CDH4: variants seen among roughly 807,000 people sequenced by gnomAD.
CDH4 encodes the protein cadherin 4.
CDH4 carries 33 observed loss-of-function variants against 86.0 expected under a neutral mutation model. The observed-to-expected ratio is 0.38, with a 90% CI of 0.29 to 0.51. CDH4 has a LOEUF of 0.51. Among genes scored for constraint, CDH4 ranks in the 20% least tolerant of loss-of-function variants. CDH4 has a pLI of 0.86. For missense variants in CDH4, 1,114 were observed against 1,307.4 expected, an observed-to-expected ratio of 0.85 and a Z score of 2.28; for synonymous variants, 555 against 549.4, an observed-to-expected ratio of 1.01 and a Z score of -0.14.
intron 2 of CDH4, among the ~76,000 whole-genome samples, chr20:61,301,726 C>T (rs2084387292): frequency 6.6e-6 from 1 of 152,136 alleles, no homozygotes; most frequent in Admixed American, 6.5e-5. Flanking sequence ...AGTGGGGAGA[C>T]AGGAAGCCTG....
intron 2 of CDH4, among the ~76,000 whole-genome samples, chr20:61,585,255 G>A (rs540896723): frequency 1.1e-4 from 17 of 152,326 alleles, no homozygotes; most frequent in African/African-American, 3.8e-4. Context: ...CACTCCAGCC[G>A]AGGGGCTATT....
chr20:61,891,966 C>T lies in CDH4; in HGVS notation c.1051-2944C>T, dbSNP rs372138732. ...GATATTGGAGCCCAAGGTCAGCAAA[C>T]GTCTTCTATAAAGTACCAGGTGGTC... is the stretch of plus-strand genomic sequence containing the variant. On this transcript the variant is annotated intron_variant, in intron 7 of 15. Coordinates refer to ENST00000614565, the MANE Select transcript of CDH4 (RefSeq NM_001794.5). Among the ~76,000 whole-genome samples the T allele has an allele frequency of 2.4e-4, 36 of 152,040 alleles. 1 individual carries two copies. In the South Asian group the frequency reaches 6.9e-3, roughly 29 times the overall value.
chr20:61,763,300 A>C (rs1470864448), intron 3 of CDH4, among the ~76,000 whole-genome samples: 1 of 152,096 alleles, frequency 6.6e-6, no homozygotes, highest in Non-Finnish European at 1.5e-5. Flanking sequence ...ATGGCCCCCC[A>C]CAACTAATAA....
chr20:61,604,666 A>T (rs915402696), intron 2 of CDH4, among the ~76,000 whole-genome samples: 1 of 152,076 alleles, frequency 6.6e-6, no homozygotes. Context: ...TCCTGCACAC[A>T]TTTGAGAGCA....
intron 2 of CDH4, among the ~76,000 whole-genome samples, chr20:61,679,733 T>G (rs2087488335): frequency 6.6e-6 from 1 of 152,204 alleles, no homozygotes; most frequent in Admixed American, 6.5e-5. Flanking sequence ...CTGTGGCCCC[T>G]GTGTGTAGCT....
chr20:61,908,601 C>T (rs937703851), intron 8 of CDH4, among the ~76,000 whole-genome samples: 13 of 152,326 alleles, frequency 8.5e-5, no homozygotes, highest in African/African-American at 2.9e-4. Context: ...GCTGGCCGCC[C>T]GACGCCCGTT....
chr20:61,743,395 G>T (rs1231114460), intron 2 of CDH4, among the ~76,000 whole-genome samples, 168 bp from the exon 3 acceptor site: 2 of 152,148 alleles, frequency 1.3e-5, no homozygotes, highest in African/African-American at 4.8e-5. Flanking sequence ...AATTCTCTAG[G>T]GGGTTGAGAT....
At chr20:61,766,027 G>A (rs572713311) in intron 3 of CDH4, among the ~76,000 whole-genome samples, 8 of 152,086 alleles carry the variant, frequency 5.3e-5, no homozygotes, top group African/African-American at 1.7e-4. Context: ...GAGGGACCGC[G>A]GATGCTGGGC....
chr20:61,699,674 G>A (rs930543481), intron 2 of CDH4, among the ~76,000 whole-genome samples: 25 of 151,820 alleles, frequency 1.6e-4, no homozygotes, highest in East Asian at 3.9e-4. Flanking sequence ...TCACTGTGTC[G>A]TTAGCGTCAA....
At chr20:61,816,688 TG>T (rs150549926) in intron 4 of CDH4, among the ~76,000 whole-genome samples, 105 of 144,526 alleles carry the variant, frequency 7.3e-4, no homozygotes, top group African/African-American at 1.5e-3. Context: ...GCACGTTAAA[TG>T]GGGGGGGGCG....
chr20:61,910,314 G>A (rs1600763111), intron 8 of CDH4, 108 bp from the exon 9 acceptor site: 2 of 939,994 alleles, frequency 2.1e-6, no homozygotes, highest in Non-Finnish European at 3.3e-6. Context: ...CTGACACGGT[G>A]TGTTCTGTTT....
chr20:61,593,659 T>A (rs534777814), intron 2 of CDH4, among the ~76,000 whole-genome samples: 103 of 152,306 alleles, frequency 6.8e-4, no homozygotes, highest in African/African-American at 2.3e-3. Context: ...TGGATTTTTT[T>A]AAGACTTTTC....
intron 2 of CDH4, among the ~76,000 whole-genome samples, chr20:61,728,999 G>A (rs1301025859): frequency 1.3e-5 from 2 of 152,170 alleles, no homozygotes; most frequent in South Asian, 2.1e-4. Context: ...GGGCAGCAGC[G>A]GTGCCCCGAT....
intron 2 of CDH4, among the ~76,000 whole-genome samples, chr20:61,351,756 G>A (rs4530427): frequency 0.8 from 121,478 of 150,994 alleles, 49,502 homozygotes; most frequent in African/African-American, 0.95. Context: ...TCACTCTGTC[G>A]CCCATGCTGG....
intron 4 of CDH4, among the ~76,000 whole-genome samples, chr20:61,804,901 G>C (rs1980041877): frequency 6.6e-6 from 1 of 152,202 alleles, no homozygotes; most frequent in African/African-American, 2.4e-5. Context: ...AACATACAGA[G>C]CTGTCAGCTT....
At chr20:61,646,130 T>C (rs965852700) in intron 2 of CDH4, among the ~76,000 whole-genome samples, 1 of 152,140 alleles carries the variant, frequency 6.6e-6, no homozygotes, top group East Asian at 1.9e-4. Flanking sequence ...ATCATACCCC[T>C]TTCAGCTCAG....
At position 61,544,094 on chromosome 20, in the gene CDH4, C is replaced by A. The variant is rs546266478; in HGVS notation, c.170-199469C>A. 9.2e-4 allele frequency among the ~76,000 whole-genome samples: 140 copies of A among 152,318 alleles called. No individual in the cohort carries two copies. Among genetic ancestry groups the A allele is most frequent in the African/African-American group, 3.2e-3 (132 of 41,566 alleles). On this transcript the variant is annotated intron_variant, in intron 2 of 15. Coordinates refer to ENST00000614565, the MANE Select transcript of CDH4 (RefSeq NM_001794.5). This position sits in a 1 kb window ranked among gnomAD's most constrained non-coding sequence, Gnocchi z 6.5. ...AAGGTCCTTGGAGGCTGCCCCACGC[C>A]CCCTGGCCCCACACCTGCCTCTTGG...
At chr20:61,463,051 T>C (rs1417491209) in intron 2 of CDH4, among the ~76,000 whole-genome samples, 1 of 152,184 alleles carries the variant, frequency 6.6e-6, no homozygotes, top group Non-Finnish European at 1.5e-5. Flanking sequence ...CTCATGGCAG[T>C]GAATAAGTCT....
intron 4 of CDH4, among the ~76,000 whole-genome samples, chr20:61,842,513 T>A (rs1982222290): frequency 6.6e-6 from 1 of 152,242 alleles, no homozygotes; most frequent in African/African-American, 2.4e-5. Flanking sequence ...TATCTCCAGG[T>A]GTGTGTTCTC....
Sources: allele counts gnomAD v4.1 joint callset (sites outside exome capture counted in the v4.1 genomes callset), GRCh38; gene constraint gnomAD v4.1.1; non-coding constraint Gnocchi (gnomAD v3.1); transcripts MANE v1.5; gene names NCBI Gene and HGNC (gene_info 2026-07-23, HGNC 2026-07-21).